The following ARAP2 variants were observed in gnomAD, a reference collection of about 807,000 sequenced individuals.
The protein encoded by ARAP2 is ArfGAP with RhoGAP domain, ankyrin repeat and PH domain 2.
In ARAP2, 148 loss-of-function variants were observed where a neutral mutation model predicts 194.5. That is an observed-to-expected ratio of 0.76 (90% CI 0.67 to 0.87). The LOEUF (loss-of-function observed/expected upper bound fraction) is 0.87. Ranked by LOEUF, ARAP2 falls within the 40% of genes least tolerant of loss-of-function variation. The pLI, the probability that ARAP2 is intolerant of heterozygous loss-of-function variation, is 0.00. For missense variants in ARAP2, 2,128 were observed against 1,989.7 expected, an observed-to-expected ratio of 1.07 and a Z score of -1.32; for synonymous variants, 695 against 683.5, an observed-to-expected ratio of 1.02 and a Z score of -0.26.
chr4:36,094,007 A>G (rs1285535619), intron 27 of ARAP2, among the ~76,000 whole-genome samples: 1 of 152,150 alleles, frequency 6.6e-6, no homozygotes, highest in Non-Finnish European at 1.5e-5. Context: ...CATTTCCATA[A>G]TATCCTTTTC....
intron 8 of ARAP2, among the ~76,000 whole-genome samples, chr4:36,180,155 C>T (rs554488614): frequency 2.6e-5 from 4 of 151,978 alleles, no homozygotes; most frequent in Non-Finnish European, 5.9e-5. Context: ...GGCAGTAATC[C>T]AAGCAACTCA....
chr4:36,049,498 T>A (rs574046558), intron 3 of ARAP2, among the ~76,000 whole-genome samples: 1 of 152,296 alleles, frequency 6.6e-6, no homozygotes, highest in African/African-American at 2.4e-5. Flanking sequence ...ACTATTTGAT[T>A]TTCTTGAGGA....
intron 32 of ARAP2, 128 bp downstream of exon 32, chr4:36,073,561 A>G: frequency 3.6e-6 from 4 of 1,096,568 alleles, no homozygotes; most frequent in Non-Finnish European, 5.1e-6. Flanking sequence ...TGTGATTATT[A>G]CCATGCTTTA....
rs1431200061 is a variant in ARAP2, at chr4:36,228,597, T to C, written c.890A>G (p.Lys297Arg). The change falls in exon 2 of 33, where the codon AAA becomes AGA. Residue 297 changes from lysine (K) to arginine (R), a missense_variant. Physicochemically the swap from Lys to Arg is conservative, Grantham distance 26 (BLOSUM62 2). Transcript: ENST00000303965. ...AGATTCTTACCTCCCAGAAACTCCTTTTGTTGACCCTGGAATCTCTGGTAC... is the reference window on the plus strand; with the variant it reads ...AGATTCTTACCTCCCAGAAACTCCTCTTGTTGACCCTGGAATCTCTGGTAC... ...RPVPEIPGST[K>R]GVSGSYFRER... The C allele has an allele frequency of 1.3e-6, 2 of 1,593,840 alleles. No homozygotes were observed. Among genetic ancestry groups the C allele is most frequent in the African/African-American group, 2.7e-5 (2 of 73,954 alleles).
In ARAP2 at chr4:36,128,728, T is replaced by C. The variant is rs776019713; in HGVS notation, c.3445A>G (p.Ile1149Val). 2 of 1,601,094 alleles carry C rather than the reference T, an allele frequency of 1.2e-6. No individual in the cohort carries two copies. ...AAAGGATCACCATTCTTTTGATAGA[T>C]ATATTTGCATCCTAAACCTTTGTTT... ...VTQYGLGCKY[I>V]YQKNGDPLHI... The change falls in exon 21 of 33, where the codon ATC becomes GTC. Residue 1149 changes from isoleucine (I) to valine (V), a missense_variant. Ile to Val is a conservative substitution (Grantham distance 29). Transcript: ENST00000303965.
At chr4:36,152,673 T>TAAAA (rs5857475) in intron 15 of ARAP2, among the ~76,000 whole-genome samples, 3 of 148,588 alleles carry the variant, frequency 2.0e-5, no homozygotes, top group Non-Finnish European at 3.0e-5. Flanking sequence ...ACTGAAGTGA[T>TAAAA]AAAAAAAAAA....
chr4:36,016,389 T>A (rs948961453), intron 6 of ARAP2, among the ~76,000 whole-genome samples: 1 of 152,190 alleles, frequency 6.6e-6, no homozygotes, highest in African/African-American at 2.4e-5. Context: ...GTTTAACGTG[T>A]TGCTTCTTAA....
intron 19 of ARAP2, among the ~76,000 whole-genome samples, chr4:36,136,470 T>C (rs542026151): frequency 6.6e-6 from 1 of 151,770 alleles, no homozygotes; most frequent in African/African-American, 2.4e-5. Context: ...AAAACTGCAA[T>C]ATAATAACCA....
chr4:36,193,111 A>G (rs890138967), intron 7 of ARAP2, among the ~76,000 whole-genome samples: 3 of 152,238 alleles, frequency 2.0e-5, no homozygotes, highest in Non-Finnish European at 4.4e-5. Flanking sequence ...AAATGAAACC[A>G]AACAATTAAC....
At chr4:36,005,427 G>A (rs558930005) in intron 10 of ARAP2, 150 of 151,926 alleles carry the variant, frequency 9.9e-4, no homozygotes, top group African/African-American at 3.3e-3. Context: ...AAATTATGAA[G>A]AGGCTTATAA....
At chr4:36,128,487 C>T in intron 21 of ARAP2, 46 bp downstream of exon 21, 1 of 1,427,944 alleles carries the variant, frequency 7.0e-7, no homozygotes, top group Non-Finnish European at 9.9e-7. Context: ...TACACACACA[C>T]ACACACACAC....
rs1383333720 is a variant in ARAP2, at chr4:36,073,736, G to C, written c.4696C>G (p.Pro1566Ala). ...NPKIGGLPLIPIQHEGNATLA... is the reference protein window; with the variant it reads ...NPKIGGLPLIAIQHEGNATLA... ...GTTGCATTCCCCTCATGCTGTATAG[G>C]AATCAGAGGCAAACCTCCAATTTTG... is the stretch of plus-strand genomic sequence containing the variant. Residue 1566 changes from proline to alanine, a missense_variant, in exon 32 of 33, where the codon CCT becomes GCT. Pro to Ala is a conservative substitution (Grantham distance 27). Coordinates refer to ENST00000303965, the MANE Select transcript of ARAP2 (RefSeq NM_015230.4). 1 of 1,613,232 alleles carries C rather than the reference G, an allele frequency of 6.2e-7. No homozygotes were observed. Among genetic ancestry groups the C allele is most frequent in the Non-Finnish European group, 8.5e-7 (1 of 1,179,392 alleles).
Position 36,067,807 on chromosome 4 carries a change from C to A in ARAP2, c.*100G>T. On this transcript the variant is annotated 3_prime_UTR_variant, in exon 33 of 33. Transcript: ENST00000303965. Reference sequence around the variant, plus strand: ...ATAGACAAATTTGCCTATCAATAGGCAAATTCTTATGAATTATCTTATAGT... The same window carrying A: ...ATAGACAAATTTGCCTATCAATAGGAAAATTCTTATGAATTATCTTATAGT... The A allele has an allele frequency of 1.4e-6, 2 of 1,399,324 alleles. No homozygotes were observed. The highest frequency in any genetic ancestry group is 1.9e-6 in the Non-Finnish European group (2 of 1,051,878). The allele number at this position is 1,399,324 out of a possible 1,614,324, so 86.7% of individuals were successfully genotyped here. A position where few individuals can be genotyped will look rare whatever the true frequency, so the allele number is the denominator to read the frequency against.
chr4:36,240,728 G>C (rs1460795314), intron 1 of ARAP2, among the ~76,000 whole-genome samples: 1 of 152,146 alleles, frequency 6.6e-6, no homozygotes, highest in African/African-American at 2.4e-5. Flanking sequence ...AAATAGGTAG[G>C]CTCTGGGCAA....
chr4:36,043,708 G>A (rs1000566010), intron 5 of ARAP2, among the ~76,000 whole-genome samples: 5 of 149,648 alleles, frequency 3.3e-5, no homozygotes, highest in Admixed American at 6.7e-5. Context: ...CCCTGTGATC[G>A]TGTTTGTGAA....
chr4:36,208,220 G>C (rs1388862653), intron 6 of ARAP2, among the ~76,000 whole-genome samples: 1 of 152,142 alleles, frequency 6.6e-6, no homozygotes, highest in Non-Finnish European at 1.5e-5. Context: ...ATTTGAGAGA[G>C]GTTCAAGCCA....
intron 1 of ARAP2, among the ~76,000 whole-genome samples, chr4:36,232,692 G>A (rs1461662865): frequency 6.6e-6 from 1 of 152,090 alleles, no homozygotes; most frequent in Non-Finnish European, 1.5e-5. Flanking sequence ...AAACAGGCAG[G>A]TATTACCTCC....
At chr4:36,103,150 A>C (rs1258623578) in intron 27 of ARAP2, among the ~76,000 whole-genome samples, 1 of 151,768 alleles carries the variant, frequency 6.6e-6, no homozygotes, top group African/African-American at 2.4e-5. Context: ...AAGCAGTTGC[A>C]TTTTGAATTA....
At chr4:36,215,967 T>C (rs1747849708) in intron 2 of ARAP2, among the ~76,000 whole-genome samples, 1 of 151,830 alleles carries the variant, frequency 6.6e-6, no homozygotes, top group African/African-American at 2.4e-5. Context: ...TTTTTAAGCC[T>C]GGGCACAGTG....
Sources: allele counts gnomAD v4.1 joint callset (sites outside exome capture counted in the v4.1 genomes callset), GRCh38; gene constraint gnomAD v4.1.1; transcripts MANE v1.5; gene names NCBI Gene and HGNC (gene_info 2026-07-23, HGNC 2026-07-21).